RANBP2: variants seen among roughly 807,000 people sequenced by gnomAD.
The protein encoded by RANBP2 is E3 SUMO-protein ligase RanBP2.
In RANBP2, 57 loss-of-function variants were observed where a neutral mutation model predicts 303.6. The ratio of observed to expected loss-of-function variants is 0.19; its 90% CI spans 0.15 to 0.23. The LOEUF (loss-of-function observed/expected upper bound fraction) is 0.23, where lower values mean the gene tolerates loss of function less well. Ranked by LOEUF, RANBP2 falls within the 10% of genes least tolerant of loss-of-function variation. The probability of loss-of-function intolerance (pLI) is 1.00; values close to 1 mark genes in which losing one functional copy is unlikely to be tolerated. For synonymous variants in RANBP2, 1,167 were observed against 1,301.5 expected (o/e 0.90, Z 2.23); for missense variants, 3,138 against 3,780.8 (o/e 0.83, Z 4.46).
At chr2:109,179,506 G>A in the RANBP2 span, among the ~76,000 whole-genome samples, 1 of 152,182 alleles carries the variant, frequency 6.6e-6, no homozygotes, top group Non-Finnish European at 1.5e-5. Flanking sequence ...CAAAGAGTGG[G>A]TAACTTATAA....
the RANBP2 span, among the ~76,000 whole-genome samples, chr2:109,659,296 G>A: frequency 1.3e-5 from 2 of 148,602 alleles, no homozygotes; most frequent in African/African-American, 5.0e-5. Flanking sequence ...AGAATTGCTT[G>A]CCTGGGAGGC....
At chr2:109,490,476 T>C in the RANBP2 span, 1 of 824,942 alleles carries the variant, frequency 1.2e-6, no homozygotes, top group Non-Finnish European at 1.7e-6. Flanking sequence ...AGTGGTAAAG[T>C]CTTTTGTCTG....
the RANBP2 span, among the ~76,000 whole-genome samples, chr2:109,428,078 G>A: frequency 6.6e-6 from 1 of 152,226 alleles, no homozygotes; most frequent in African/African-American, 2.4e-5. Flanking sequence ...CCTGCTGTGG[G>A]TCTTCCCTGC....
chr2:109,334,506 G>A, the RANBP2 span, among the ~76,000 whole-genome samples: 1 of 152,278 alleles, frequency 6.6e-6, no homozygotes, highest in Non-Finnish European at 1.5e-5. Context: ...GCACAGACTG[G>A]CTTGGCTAAA....
At chr2:109,265,329 G>A in the RANBP2 span, among the ~76,000 whole-genome samples, 1 of 152,256 alleles carries the variant, frequency 6.6e-6, no homozygotes, top group Non-Finnish European at 1.5e-5. Context: ...CGGAAAACAA[G>A]CAAAATACTG....
chr2:109,711,863 C>T, the RANBP2 span, among the ~76,000 whole-genome samples: 2 of 152,110 alleles, frequency 1.3e-5, no homozygotes, highest in Admixed American at 6.6e-5. Context: ...TCTGTTGAGC[C>T]CACTTCAGTG....
chr2:109,453,077 C>G, the RANBP2 span, among the ~76,000 whole-genome samples: 4 of 152,306 alleles, frequency 2.6e-5, no homozygotes, highest in South Asian at 8.3e-4. Flanking sequence ...GCTCTGTTCC[C>G]TGCGTGGCCC....
chr2:108,732,817 G>A (rs770819025), intron 4 of RANBP2, among the ~76,000 whole-genome samples: 2 of 151,892 alleles, frequency 1.3e-5, no homozygotes, highest in Non-Finnish European at 2.9e-5. Flanking sequence ...AGTATGTGAC[G>A]TTTTTTTCTT....
the RANBP2 span, chr2:109,128,838 C>T: frequency 4.1e-6 from 1 of 242,992 alleles, no homozygotes; most frequent in Non-Finnish European, 8.5e-6. Context: ...CAAGCCTGCG[C>T]AGGAGAGGTT....
intron 23 of RANBP2, 128 bp downstream of exon 23, chr2:108,773,174 A>G (rs1343112771): frequency 1.1e-5 from 11 of 987,098 alleles, no homozygotes; most frequent in East Asian, 5.3e-5. Flanking sequence ...CTGGAGTGCA[A>G]TGGCATGCTC....
At chr2:109,364,379 T>C in the RANBP2 span, among the ~76,000 whole-genome samples, 2 of 152,248 alleles carry the variant, frequency 1.3e-5, no homozygotes, top group Non-Finnish European at 2.9e-5. Context: ...TTACATGCTG[T>C]CTAGTTCAAA....
chr2:109,077,856 A>C, the RANBP2 span, among the ~76,000 whole-genome samples: 2 of 149,378 alleles, frequency 1.3e-5, no homozygotes, highest in African/African-American at 4.9e-5. Flanking sequence ...TACACTGTTC[A>C]TGGGAATGCA....
At chr2:109,189,695 A>G in the RANBP2 span, among the ~76,000 whole-genome samples, 1 of 152,130 alleles carries the variant, frequency 6.6e-6, no homozygotes, top group Non-Finnish European at 1.5e-5. Flanking sequence ...GTAATAATCA[A>G]AGTTGAATGT....
the RANBP2 span, among the ~76,000 whole-genome samples, chr2:109,549,388 G>A: frequency 6.6e-6 from 1 of 152,094 alleles, no homozygotes; most frequent in South Asian, 2.1e-4. Flanking sequence ...AAAATTCCAG[G>A]AAAACTACAA....
chr2:108,785,285 G>C lies in RANBP2; in HGVS notation c.*1384G>C, dbSNP rs1413986879. ...CACTCGGCCACAAAGCCAGATACTTGAAATAAACCTACTCCAAATGTATCA... is the reference window on the plus strand; with the variant it reads ...CACTCGGCCACAAAGCCAGATACTTCAAATAAACCTACTCCAAATGTATCA... On this transcript the variant is annotated 3_prime_UTR_variant, in exon 29 of 29. Transcript: ENST00000283195. The C allele has an allele frequency of 1.3e-5, 2 of 152,136 alleles. No individual in the cohort carries two copies. The highest frequency in any genetic ancestry group is 2.9e-5 in the Non-Finnish European group (2 of 68,024). 9.4% of individuals were successfully genotyped at this position (152,136 alleles called of 1,614,324 possible). A position where few individuals can be genotyped will look rare whatever the true frequency, so the allele number is the denominator to read the frequency against.
the RANBP2 span, among the ~76,000 whole-genome samples, chr2:109,489,579 G>A: frequency 6.6e-6 from 1 of 152,218 alleles, no homozygotes; most frequent in South Asian, 2.1e-4. Context: ...CCAGGGTCCC[G>A]TGACAGAGAG....
the RANBP2 span, among the ~76,000 whole-genome samples, chr2:109,045,506 C>T: frequency 6.6e-6 from 1 of 152,094 alleles, no homozygotes; most frequent in Non-Finnish European, 1.5e-5. Context: ...GTTAGGACAG[C>T]GACCGCTCCC....
chr2:108,881,629 A>G, the RANBP2 span, among the ~76,000 whole-genome samples: 12 of 152,136 alleles, frequency 7.9e-5, no homozygotes, highest in Non-Finnish European at 1.5e-4. Context: ...GAGATGTGAG[A>G]CTCTTCCTTT....
chr2:109,067,734 G>A, the RANBP2 span, among the ~76,000 whole-genome samples: 2 of 152,128 alleles, frequency 1.3e-5, no homozygotes, highest in African/African-American at 4.8e-5. Context: ...AATCCTTCAG[G>A]TGCTCAGGCT....
Sources: allele counts gnomAD v4.1 joint callset (sites outside exome capture counted in the v4.1 genomes callset), GRCh38; gene constraint gnomAD v4.1.1; transcripts MANE v1.5; gene names NCBI Gene and HGNC (gene_info 2026-07-23, HGNC 2026-07-21).